NKD1: variants seen among roughly 807,000 people sequenced by gnomAD.
NKD1 encodes NKD inhibitor of Wnt signaling pathway 1, also known as protein naked cuticle homolog 1.
NKD1 carries 21 observed loss-of-function variants against 56.0 expected under a neutral mutation model. The observed-to-expected ratio is 0.38, with a 90% CI of 0.27 to 0.54. The LOEUF is 0.54. Among genes scored for constraint, NKD1 ranks in the 20% least tolerant of loss-of-function variants. The pLI is 0.82. For missense variants in NKD1, 578 were observed against 642.7 expected (o/e 0.90, Z 1.09); for synonymous variants, 263 against 265.7 (o/e 0.99, Z 0.10).
At chr16:50,595,181 G>C (rs144782853) in intron 3 of NKD1, among the ~76,000 whole-genome samples, 4 of 152,234 alleles carry the variant, frequency 2.6e-5, no homozygotes, top group African/African-American at 9.6e-5. Context: ...TACCAGCTGT[G>C]GGTCCTCTAT....
chr16:50,627,986 AG>A (rs1425276851), intron 6 of NKD1, among the ~76,000 whole-genome samples: 2 of 152,090 alleles, frequency 1.3e-5, no homozygotes, highest in Admixed American at 1.3e-4. Flanking sequence ...GGCCTTATGG[AG>A]AAGCCAGAGG....
Position 50,632,262 on chromosome 16 carries a change from C to T in NKD1, c.696-19C>T. On this transcript the variant is annotated intron_variant, in intron 8 of 9. Transcript: ENST00000268459. The surrounding 1 kb of genome is among the most constrained non-coding windows in gnomAD (Gnocchi z 4.1). ...CTGGTGGTTGGTGTTATCCCACTCA[C>T]TTGCCTCCCCTGCCGTAGGTTCCAG... 6.2e-7 allele frequency: 1 copy of T among 1,613,750 alleles called. No individual in the cohort carries two copies. The highest frequency in any genetic ancestry group is 8.5e-7 in the Non-Finnish European group (1 of 1,179,728).
In NKD1 at chr16:50,641,229, CTGAACTA is replaced by C. The variant is rs1438922420; in HGVS notation, c.*7451_*7457del. The C allele has an allele frequency of 2.0e-5, 3 of 152,408 alleles. No homozygotes were observed. In the East Asian group the frequency reaches 5.8e-4, roughly 29 times the overall value. 9.4% of individuals were successfully genotyped at this position (152,408 alleles called of 1,614,324 possible). A position where few individuals can be genotyped will look rare whatever the true frequency, so the allele number is the denominator to read the frequency against. On this transcript the variant is annotated 3_prime_UTR_variant, in exon 10 of 10. Transcript: ENST00000268459. Reference sequence around the variant, plus strand: ...GTCATGGCCAGTTCAATGGTCGGGGCTGAACTATGTCTCTTGGTGCCTGGTAGAGGGG... The same window carrying C: ...GTCATGGCCAGTTCAATGGTCGGGGCTGTCTCTTGGTGCCTGGTAGAGGGG...
At chr16:50,556,702 G>A (rs1350524203) in intron 3 of NKD1, 2 of 148,910 alleles carry the variant, frequency 1.3e-5, no homozygotes, top group African/African-American at 5.0e-5. Flanking sequence ...TCTATTGAGT[G>A]CATTCATTCA....
At chr16:50,554,387 G>T (rs911497606) in intron 3 of NKD1, among the ~76,000 whole-genome samples, 2 of 152,122 alleles carry the variant, frequency 1.3e-5, no homozygotes, top group East Asian at 3.9e-4. Flanking sequence ...CGCGAGGGCA[G>T]GAAACATCAA....
intron 3 of NKD1, among the ~76,000 whole-genome samples, chr16:50,550,146 A>T (rs113895973): frequency 1.8e-3 from 274 of 151,178 alleles, no homozygotes; most frequent in African/African-American, 6.1e-3. Flanking sequence ...CTGAGCCTTC[A>T]CCCCGTGTGT....
intron 3 of NKD1, among the ~76,000 whole-genome samples, chr16:50,601,709 A>T (rs985012687): frequency 3.3e-5 from 5 of 152,190 alleles, no homozygotes; most frequent in African/African-American, 1.2e-4. Context: ...TCCAGGGGAC[A>T]GGCCTGGTGG....
intron 3 of NKD1, among the ~76,000 whole-genome samples, chr16:50,585,491 G>A: frequency 6.6e-6 from 1 of 152,230 alleles, no homozygotes; most frequent in East Asian, 1.9e-4. Context: ...TGAGTGCCCT[G>A]GGCAGCAGGC....
intron 3 of NKD1, chr16:50,573,774 G>C (rs1960935469): frequency 1.0e-6 from 1 of 977,866 alleles, no homozygotes; most frequent in African/African-American, 1.8e-5. Flanking sequence ...CCTGGGTTCA[G>C]CTCCTGGTGA....
intron 4 of NKD1, among the ~76,000 whole-genome samples, chr16:50,612,994 G>C (rs980091983): frequency 6.6e-6 from 1 of 152,148 alleles, no homozygotes; most frequent in African/African-American, 2.4e-5. Context: ...GCCTAGCCTG[G>C]GAGCTTGGGG....
At chr16:50,608,543 T>A in intron 4 of NKD1, 183 bp downstream of exon 4, 3 of 629,360 alleles carry the variant, frequency 4.8e-6, no homozygotes, top group South Asian at 3.5e-5. Flanking sequence ...ACAGGTGTGG[T>A]ACTTCATAGG....
chr16:50,567,828 A>T (rs2151265814), intron 3 of NKD1, among the ~76,000 whole-genome samples: 1 of 152,338 alleles, frequency 6.6e-6, no homozygotes, highest in East Asian at 1.9e-4. Flanking sequence ...GTTAACAGCA[A>T]ATTAATCACA....
rs576763534 is a variant in NKD1 at position 50,613,345 on chromosome 16, G to A, written c.259+4985G>A. 4.6e-5 allele frequency among the ~76,000 whole-genome samples: 7 copies of A among 152,146 alleles called. No homozygotes were observed. In the East Asian group the frequency reaches 9.7e-4, roughly 21 times the overall value. On this transcript the variant is annotated intron_variant, in intron 4 of 9. Transcript: ENST00000268459. The stretch of plus-strand genomic sequence containing the variant: ...GCCACGGACATTGCCCGGGACTCTC[G>A]GGCAAGGCTCCTCAATACACAGGGC...
intron 3 of NKD1, among the ~76,000 whole-genome samples, chr16:50,554,810 C>A (rs1596701844): frequency 6.6e-6 from 1 of 151,978 alleles, no homozygotes; most frequent in Non-Finnish European, 1.5e-5. Flanking sequence ...TTATAGAGAT[C>A]GGGTCTTGCT....
Position 50,549,304 on chromosome 16 carries a change from C to G in NKD1, c.59-118C>G, listed in dbSNP as rs756336981. On this transcript the variant is annotated intron_variant, in intron 2 of 9. Transcript: ENST00000268459. ...GGCTCCTGCCCCAGCCCGCGAACCC[C>G]CTCCTGGCCCCCGTGCCGTGGTCCT... 1,465 of 1,330,076 alleles carry G rather than the reference C, an allele frequency of 1.1e-3. 2 individuals are homozygous for G. Among genetic ancestry groups the G allele is most frequent in the Non-Finnish European group, 1.1e-3 (1,087 of 980,154 alleles). 82.4% of individuals were successfully genotyped at this position (1,330,076 alleles called of 1,614,324 possible).
chr16:50,625,254 CCAGGCACCCCTG>C (rs1248956741), intron 5 of NKD1: 1 of 568,564 alleles, frequency 1.8e-6, no homozygotes, highest in Non-Finnish European at 3.1e-6. Context: ...CCACAGACCA[CCAGGCACCCCTG>C]CAGGCATCCC....
In NKD1 at chr16:50,648,696, G is replaced by T. The variant is rs915737436; in HGVS notation, c.*14915G>T. The T allele has an allele frequency of 6.6e-6, 1 of 152,124 alleles. No individual in the cohort carries two copies. The highest frequency in any genetic ancestry group is 1.5e-5 in the Non-Finnish European group (1 of 68,030). The allele number at this position is 152,124 out of a possible 1,614,324, so 9.4% of individuals were successfully genotyped here. On this transcript the variant is annotated 3_prime_UTR_variant, in exon 10 of 10. Transcript: ENST00000268459. ...AAGACTACAGTTCTCAGACTCCTTC[G>T]CAAATAAATTTTGTGACTAAACTCT... is the stretch of plus-strand genomic sequence containing the variant.
chr16:50,583,926 T>C (rs1259041873), intron 3 of NKD1, among the ~76,000 whole-genome samples: 2 of 152,224 alleles, frequency 1.3e-5, no homozygotes, highest in Non-Finnish European at 2.9e-5. Context: ...GCAAACCCTT[T>C]GATTTAAATG....
chr16:50,608,793 A>G (rs777489293), intron 4 of NKD1, among the ~76,000 whole-genome samples: 1 of 152,166 alleles, frequency 6.6e-6, no homozygotes, highest in African/African-American at 2.4e-5. Context: ...GTGTGCACAC[A>G]CACACACAGC....
Sources: allele counts gnomAD v4.1 joint callset (sites outside exome capture counted in the v4.1 genomes callset), GRCh38; gene constraint gnomAD v4.1.1; non-coding constraint Gnocchi (gnomAD v3.1); transcripts MANE v1.5; gene names NCBI Gene and HGNC (gene_info 2026-07-23, HGNC 2026-07-21).